Variants in KCNIP4 observed in about 807,000 individuals in gnomAD.
KCNIP4 encodes the protein potassium voltage-gated channel interacting protein 4.
KCNIP4 carries 12 observed loss-of-function variants against 34.0 expected under a neutral mutation model. That is an observed-to-expected ratio of 0.35 (90% CI 0.23 to 0.57). The LOEUF (loss-of-function observed/expected upper bound fraction) is 0.57. Among genes scored for constraint, KCNIP4 ranks in the 20% least tolerant of loss-of-function variants. The pLI, the probability that KCNIP4 is intolerant of heterozygous loss-of-function variation, is 0.83. For missense variants in KCNIP4, 238 were observed against 311.7 expected (o/e 0.76, Z 1.78); for synonymous variants, 124 against 102.2 (o/e 1.21, Z -1.29).
intron 1 of KCNIP4, among the ~76,000 whole-genome samples, chr4:21,778,895 G>A (rs1019622949): frequency 2.0e-4 from 31 of 152,056 alleles, no homozygotes; most frequent in African/African-American, 7.2e-4. Flanking sequence ...GGGCAATTCT[G>A]TAGCTCTCTT....
chr4:21,177,140 C>T (rs1754471078), intron 1 of KCNIP4, among the ~76,000 whole-genome samples: 1 of 151,992 alleles, frequency 6.6e-6, no homozygotes, highest in Non-Finnish European at 1.5e-5. Context: ...TGAATGCCTA[C>T]TATATATAGG....
chr4:21,075,427 T>C (rs1418527497), intron 1 of KCNIP4, among the ~76,000 whole-genome samples: 1 of 152,196 alleles, frequency 6.6e-6, no homozygotes, highest in Non-Finnish European at 1.5e-5. Context: ...TTTGTTGGTT[T>C]AAAGTCTGTT....
intron 1 of KCNIP4, among the ~76,000 whole-genome samples, chr4:21,218,468 A>G (rs999274374): frequency 6.6e-6 from 1 of 152,174 alleles, no homozygotes; most frequent in Admixed American, 6.6e-5. Context: ...TATAGATTCT[A>G]GATAAAACTT....
chr4:21,810,008 AG>A (rs1385514707), intron 1 of KCNIP4, among the ~76,000 whole-genome samples: 1 of 152,058 alleles, frequency 6.6e-6, no homozygotes, highest in African/African-American at 2.4e-5. Context: ...GGTAAATGGC[AG>A]CAACCGTTTT....
intron 1 of KCNIP4, among the ~76,000 whole-genome samples, chr4:21,734,592 G>A (rs912794627): frequency 6.6e-6 from 1 of 152,114 alleles, no homozygotes; most frequent in Non-Finnish European, 1.5e-5. Context: ...ACTGTGCTGT[G>A]TGAAAGAAAT....
At chr4:21,305,966 G>A (rs949875766) in intron 1 of KCNIP4, among the ~76,000 whole-genome samples, 2 of 152,304 alleles carry the variant, frequency 1.3e-5, no homozygotes, top group Non-Finnish European at 2.9e-5. Context: ...GGCTGCCAGA[G>A]GGCAGAGATC....
At chr4:21,100,713 C>T (rs1453123002) in intron 1 of KCNIP4, among the ~76,000 whole-genome samples, 1 of 152,066 alleles carries the variant, frequency 6.6e-6, no homozygotes, top group Non-Finnish European at 1.5e-5. Context: ...TTTTGGCAAT[C>T]AAGTATTTTA....
chr4:20,988,031 A>G (rs1456933327), intron 1 of KCNIP4, among the ~76,000 whole-genome samples: 1 of 150,252 alleles, frequency 6.7e-6, no homozygotes, highest in Non-Finnish European at 1.5e-5. Flanking sequence ...AATTATAGAT[A>G]TTAACTAATT....
chr4:21,149,209 G>A (rs1406945416), intron 1 of KCNIP4, among the ~76,000 whole-genome samples: 1 of 152,104 alleles, frequency 6.6e-6, no homozygotes, highest in Non-Finnish European at 1.5e-5. Flanking sequence ...AAACAATTTA[G>A]CAAAACCCTG....
At position 21,050,068 on chromosome 4, in the gene KCNIP4, G is replaced by A. The variant is rs544995260; in HGVS notation, c.62-167359C>T. ...ATTAGTTGCAAAACTTTTAAGGGCA[G>A]GCAGCTTGAGTCCCAGTTACCCAGT... On this transcript the variant is annotated intron_variant, in intron 1 of 8. Transcript: ENST00000382152. Among the ~76,000 whole-genome samples, 49 of 152,274 alleles carry A rather than the reference G, an allele frequency of 3.2e-4. 1 individual carries two copies. In the South Asian group the frequency reaches 9.1e-3, roughly 28 times the overall value.
chr4:21,525,667 G>T (rs1735911223), intron 1 of KCNIP4, among the ~76,000 whole-genome samples: 1 of 152,018 alleles, frequency 6.6e-6, no homozygotes, highest in Non-Finnish European at 1.5e-5. Flanking sequence ...AATTATTGTT[G>T]CAAAAAGCAG....
chr4:20,827,821 A>C (rs1193565666), intron 3 of KCNIP4, among the ~76,000 whole-genome samples: 3 of 151,966 alleles, frequency 2.0e-5, no homozygotes, highest in African/African-American at 4.8e-5. Flanking sequence ...AAAAAAAAAA[A>C]AACAAAGAAA....
chr4:21,868,861 T>C (rs2109362376), intron 1 of KCNIP4, among the ~76,000 whole-genome samples: 1 of 152,318 alleles, frequency 6.6e-6, no homozygotes, highest in African/African-American at 2.4e-5. Flanking sequence ...GGAACTGATC[T>C]TTCTTTGACC....
chr4:21,515,473 C>T (rs1054966415), intron 1 of KCNIP4, among the ~76,000 whole-genome samples: 1 of 151,942 alleles, frequency 6.6e-6, no homozygotes, highest in Non-Finnish European at 1.5e-5. Context: ...CCCGTCTCTA[C>T]TAAAAATACA....
Position 21,652,773 on chromosome 4 carries a change from TG to T in KCNIP4, c.61+295797del. ...AAAGAATACAGTTAATCCATATTAATGTCATCTTCTGCCACTTGATGATATA... is the reference window on the plus strand; with the variant it reads ...AAAGAATACAGTTAATCCATATTAATTCATCTTCTGCCACTTGATGATATA... On this transcript the variant is annotated intron_variant, in intron 1 of 8. Coordinates refer to ENST00000382152, the MANE Select transcript of KCNIP4 (RefSeq NM_025221.6). Among the ~76,000 whole-genome samples, 3 of 152,282 alleles carry T rather than the reference TG, an allele frequency of 2.0e-5. No individual in the cohort carries two copies. In the South Asian group the frequency reaches 6.2e-4, roughly 32 times the overall value.
intron 1 of KCNIP4, among the ~76,000 whole-genome samples, chr4:20,944,856 T>C (rs1048959072): frequency 9.6e-6 from 1 of 103,792 alleles, no homozygotes; most frequent in African/African-American, 3.8e-5. Flanking sequence ...AATTTCTGTT[T>C]TCTGAGCACG....
chr4:21,256,391 G>A (rs1251475734), intron 1 of KCNIP4, among the ~76,000 whole-genome samples: 1 of 144,998 alleles, frequency 6.9e-6, no homozygotes, highest in Non-Finnish European at 1.5e-5. Context: ...TCCAGCCTGG[G>A]CAACATAATG....
intron 1 of KCNIP4, among the ~76,000 whole-genome samples, chr4:21,638,300 T>C (rs1746370197): frequency 6.6e-6 from 1 of 152,134 alleles, no homozygotes; most frequent in African/African-American, 2.4e-5. Context: ...TTAAAGGTAC[T>C]CCACATGTCT....
intron 1 of KCNIP4, among the ~76,000 whole-genome samples, chr4:20,960,861 G>A (rs1733779467): frequency 6.6e-6 from 1 of 152,182 alleles, no homozygotes; most frequent in African/African-American, 2.4e-5. Flanking sequence ...GAAGGGGCAA[G>A]AGGTGTGCAG....
Sources: gnomAD v4.1 joint callset for allele counts (sites outside exome capture counted in the v4.1 genomes callset) on GRCh38, gnomAD v4.1.1 for gene constraint, MANE v1.5 for transcripts, NCBI Gene and HGNC (gene_info 2026-07-23, HGNC 2026-07-21) for gene names.